The following WARS1 variants were observed in gnomAD, a reference collection of about 807,000 sequenced individuals.
The protein encoded by WARS1 is tryptophanyl-tRNA synthetase 1.
Under a neutral mutation model 47.8 loss-of-function variants are expected in WARS1, and 17 were observed. The ratio of observed to expected loss-of-function variants is 0.36; its 90% CI spans 0.24 to 0.53. The LOEUF (loss-of-function observed/expected upper bound fraction) is 0.53, where lower values mean the gene tolerates loss of function less well. WARS1 is among the 20% of genes least tolerant of loss of function. WARS1 has a pLI of 0.91. For missense variants in WARS1, 434 were observed against 608.0 expected, an observed-to-expected ratio of 0.71 and a Z score of 3.01; for synonymous variants, 208 against 228.1, an observed-to-expected ratio of 0.91 and a Z score of 0.79.
At position 100,361,703 on chromosome 14, in the gene WARS1, C is replaced by T. The variant is rs754416760; in HGVS notation, c.313+5G>A. 4.0e-5 allele frequency: 64 copies of T among 1,613,536 alleles called. No individual in the cohort carries two copies. Among genetic ancestry groups the T allele is most frequent in the South Asian group, 1.6e-4 (15 of 91,062 alleles). On this transcript the variant is annotated splice_donor_5th_base_variant and intron_variant, in intron 3 of 10. Coordinates refer to ENST00000392882, the MANE Select transcript of WARS1 (RefSeq NM_004184.4). ...CTTTTTCTGGGAAGAAAGCAGAGGA[C>T]GTACCAATGAGCTTATCGTAGTCTA...
chr14:100,344,477 G>A (rs1243879469), intron 7 of WARS1, among the ~76,000 whole-genome samples: 2 of 152,280 alleles, frequency 1.3e-5, no homozygotes, highest in Non-Finnish European at 2.9e-5. Flanking sequence ...CCAAAGTGCC[G>A]AGATTGCAGC....
rs60977618 is a variant in WARS1 at position 100,371,447 on chromosome 14, C to CAAAAAAAAAAAAAAAAAAAAAAA, written c.-73-2190_-73-2189insTTTTTTTTTTTTTTTTTTTTTTT. Among the ~76,000 whole-genome samples, 120 of 89,106 alleles carry CAAAAAAAAAAAAAAAAAAAAAAA rather than the reference C, an allele frequency of 1.3e-3. 12 individuals carry two copies. Among genetic ancestry groups the CAAAAAAAAAAAAAAAAAAAAAAA allele is most frequent in the Middle Eastern group, 7.8e-3 (1 of 128 alleles). The allele number at this position is 89,106 out of a possible 152,430, so 58.5% of individuals were successfully genotyped here. On this transcript the variant is annotated intron_variant, in intron 1 of 10. Transcript: ENST00000392882. Reference sequence around the variant, plus strand: ...CCTGGGTGACAGAAAGGTTCTGTCTCAAAAAAAAAAAAAAAAAAAAGTAGG... The same window carrying CAAAAAAAAAAAAAAAAAAAAAAA: ...CCTGGGTGACAGAAAGGTTCTGTCTCAAAAAAAAAAAAAAAAAAAAAAAAAAAAAAAAAAAAAAAAAAAGTAGG...
chr14:100,356,062 A>T (rs1254385387), intron 4 of WARS1, among the ~76,000 whole-genome samples: 1 of 152,144 alleles, frequency 6.6e-6, no homozygotes, highest in Non-Finnish European at 1.5e-5. Context: ...ATGTTTTATG[A>T]GGATGGATTC....
intron 2 of WARS1, chr14:100,366,661 TAA>T: frequency 1.3e-6 from 1 of 774,538 alleles, no homozygotes; most frequent in Non-Finnish European, 2.4e-6. Context: ...ATGGACATCG[TAA>T]AATGGAACTT....
intron 2 of WARS1, among the ~76,000 whole-genome samples, chr14:100,365,010 T>G (rs895709842): frequency 6.6e-6 from 1 of 152,072 alleles, no homozygotes; most frequent in Non-Finnish European, 1.5e-5. Flanking sequence ...CTTGCATCTA[T>G]AATTCCAGCA....
intron 4 of WARS1, among the ~76,000 whole-genome samples, chr14:100,359,895 G>C (rs1213790984): frequency 3.9e-5 from 6 of 152,182 alleles, no homozygotes; most frequent in South Asian, 2.1e-4. Context: ...AGACTGCTGG[G>C]CTCTGTCCTG....
rs1166111787 is a variant in WARS1 at position 100,334,643 on chromosome 14, G to A, written c.*232C>T. On this transcript the variant is annotated 3_prime_UTR_variant, in exon 11 of 11. Transcript: ENST00000392882. Reference sequence around the variant, plus strand: ...GACTCACAGCTGGACTTCTCTATCCGACCATGCAATGTTAGCCAGCACCAA... The same window carrying A: ...GACTCACAGCTGGACTTCTCTATCCAACCATGCAATGTTAGCCAGCACCAA... 3 of 431,034 alleles carry A rather than the reference G, an allele frequency of 7.0e-6. No individual in the cohort carries two copies. The highest frequency in any genetic ancestry group is 4.1e-5 in the African/African-American group (2 of 49,274). 26.7% of individuals were successfully genotyped at this position (431,034 alleles called of 1,614,324 possible).
At chr14:100,361,578 A>AT (rs1595448664) in intron 3 of WARS1, 130 bp downstream of exon 3, 4 of 888,570 alleles carry the variant, frequency 4.5e-6, no homozygotes, top group East Asian at 2.5e-5. Flanking sequence ...TTTAGTATCC[A>AT]TTTTTTCTTG....
intron 4 of WARS1, among the ~76,000 whole-genome samples, chr14:100,358,380 C>A (rs1014756698): frequency 6.6e-6 from 1 of 152,192 alleles, no homozygotes; most frequent in East Asian, 1.9e-4. Context: ...GATCCGCCTG[C>A]CTTGGCCTCC....
At chr14:100,368,585 A>G (rs1339022415) in intron 2 of WARS1, 3 of 426,406 alleles carry the variant, frequency 7.0e-6, no homozygotes, top group Admixed American at 2.6e-5. Flanking sequence ...CTGGAGGGCC[A>G]CTGTATTTCA....
chr14:100,366,877 T>C (rs1566865642), intron 2 of WARS1: 6 of 1,607,918 alleles, frequency 3.7e-6, no homozygotes, highest in Non-Finnish European at 5.1e-6. Flanking sequence ...CTGTAGGAGC[T>C]GAATATTACC....
At chr14:100,354,235 C>G (rs1895172343) in intron 5 of WARS1, 2 of 601,500 alleles carry the variant, frequency 3.3e-6, no homozygotes, top group Admixed American at 7.0e-5. Flanking sequence ...GCAGGCCTGG[C>G]TGACTCCAAA....
intron 4 of WARS1, among the ~76,000 whole-genome samples, chr14:100,358,225 C>CA (rs1895449869): frequency 6.6e-6 from 1 of 152,070 alleles, no homozygotes; most frequent in Non-Finnish European, 1.5e-5. Flanking sequence ...CTCCGCCTCC[C>CA]GGGTTCATGC....
At chr14:100,344,452 G>T (rs1484783322) in intron 7 of WARS1, among the ~76,000 whole-genome samples, 2 of 152,162 alleles carry the variant, frequency 1.3e-5, no homozygotes, top group Non-Finnish European at 2.9e-5. Context: ...CCTCCCAGCC[G>T]CCTGCCTTGG....
intron 1 of WARS1, among the ~76,000 whole-genome samples, chr14:100,372,849 A>T (rs1896431364): frequency 6.6e-6 from 1 of 152,118 alleles, no homozygotes; most frequent in Non-Finnish European, 1.5e-5. Flanking sequence ...CTCTCTCAGA[A>T]TCCCTGCTGC....
intron 10 of WARS1, among the ~76,000 whole-genome samples, chr14:100,335,621 T>C (rs1245282704): frequency 6.6e-6 from 1 of 151,778 alleles, no homozygotes; most frequent in Non-Finnish European, 1.5e-5. Flanking sequence ...CGTGATCCAC[T>C]CCCCCCACCT....
chr14:100,354,269 T>C (rs1895174869), intron 5 of WARS1, 178 bp downstream of exon 5: 4 of 841,584 alleles, frequency 4.8e-6, no homozygotes, highest in Middle Eastern at 3.6e-4. Flanking sequence ...CATCACTCCA[T>C]GGTCCTCTAA....
At chr14:100,354,096 T>G in intron 5 of WARS1, 1 of 541,342 alleles carries the variant, frequency 1.8e-6, no homozygotes, top group South Asian at 2.4e-5. Flanking sequence ...TCTACACACT[T>G]TGTTTTGAAG....
intron 2 of WARS1, among the ~76,000 whole-genome samples, chr14:100,367,695 A>G (rs1383382555): frequency 2.0e-5 from 3 of 151,938 alleles, no homozygotes; most frequent in African/African-American, 7.3e-5. Context: ...AGATCCTGCT[A>G]ACTTCCAAAA....
Sources: gnomAD v4.1 joint callset for allele counts (sites outside exome capture counted in the v4.1 genomes callset) on GRCh38, gnomAD v4.1.1 for gene constraint, MANE v1.5 for transcripts, NCBI Gene and HGNC (gene_info 2026-07-23, HGNC 2026-07-21) for gene names.